The following GRM7 variants were observed in gnomAD, a reference collection of about 807,000 sequenced individuals.
The protein encoded by GRM7 is metabotropic glutamate receptor 7.
In GRM7, 35 loss-of-function variants were observed where a neutral mutation model predicts 84.5. The ratio of observed to expected loss-of-function variants is 0.41; its 90% CI spans 0.32 to 0.55. GRM7 has a LOEUF of 0.55. GRM7 is among the 20% of genes least tolerant of loss of function. The pLI is 0.19. For synonymous variants in GRM7, 487 were observed against 455.1 expected (o/e 1.07, Z -0.89); for missense variants, 1,003 against 1,194.6 (o/e 0.84, Z 2.36).
intron 4 of GRM7, among the ~76,000 whole-genome samples, chr3:7,379,186 C>T (rs1022043827): frequency 6.6e-6 from 1 of 152,104 alleles, no homozygotes; most frequent in Non-Finnish European, 1.5e-5. Context: ...AATTCTCCTG[C>T]CTTAGTCTCC....
chr3:7,736,056 C>G (rs1559512889), intron 9 of GRM7, among the ~76,000 whole-genome samples: 1 of 152,082 alleles, frequency 6.6e-6, no homozygotes, highest in Admixed American at 6.5e-5. Context: ...GGTATTAGTT[C>G]ATTTTTTCTT....
intron 4 of GRM7, among the ~76,000 whole-genome samples, chr3:7,385,552 G>A (rs1559284932): frequency 2.6e-5 from 4 of 151,876 alleles, no homozygotes; most frequent in Non-Finnish European, 5.9e-5. Context: ...CACGCACCTC[G>A]GCCTCCGAAA....
At chr3:7,463,087 G>A (rs887220850) in intron 7 of GRM7, among the ~76,000 whole-genome samples, 1 of 149,612 alleles carries the variant, frequency 6.7e-6, no homozygotes. Flanking sequence ...GTGCTGCCAT[G>A]TGATATGAAG....
intron 1 of GRM7, among the ~76,000 whole-genome samples, chr3:6,935,847 C>A (rs1160505265): frequency 6.6e-6 from 1 of 151,918 alleles, no homozygotes; most frequent in Non-Finnish European, 1.5e-5. Context: ...AGGTGTGTGC[C>A]AACACGCACG....
At chr3:7,121,673 A>G (rs1375903726) in intron 1 of GRM7, among the ~76,000 whole-genome samples, 1 of 152,182 alleles carries the variant, frequency 6.6e-6, no homozygotes, top group Admixed American at 6.5e-5. Context: ...ACACATCTAT[A>G]GATGTAAAGC....
intron 4 of GRM7, among the ~76,000 whole-genome samples, chr3:7,339,985 A>G (rs1230950432): frequency 6.6e-6 from 1 of 152,180 alleles, no homozygotes; most frequent in Non-Finnish European, 1.5e-5. Context: ...TAGCTAAGAA[A>G]TAACTTTCCT....
At chr3:7,511,454 CACCACAGACA>C (rs1287958342) in intron 7 of GRM7, among the ~76,000 whole-genome samples, 4 of 152,168 alleles carry the variant, frequency 2.6e-5, no homozygotes, top group East Asian at 1.9e-4. Flanking sequence ...ATTGTGACTG[CACCACAGACA>C]TTGTGACTGC....
At chr3:7,215,969 A>G (rs992300181) in intron 2 of GRM7, among the ~76,000 whole-genome samples, 2 of 152,220 alleles carry the variant, frequency 1.3e-5, no homozygotes, top group African/African-American at 4.8e-5. Context: ...AGATACCCCA[A>G]GTCAGAGGAC....
intron 3 of GRM7, among the ~76,000 whole-genome samples, chr3:7,303,016 C>T (rs1447580405): frequency 6.8e-6 from 1 of 147,932 alleles, no homozygotes; most frequent in African/African-American, 2.6e-5. Flanking sequence ...TCTCAGCTCA[C>T]TGAAAGCTCC....
At chr3:7,497,039 G>A (rs1472460525) in intron 7 of GRM7, among the ~76,000 whole-genome samples, 1 of 136,124 alleles carries the variant, frequency 7.3e-6, no homozygotes, top group Non-Finnish European at 1.7e-5. Flanking sequence ...TAGGAATTCT[G>A]GCCCTTGCTT....
At chr3:6,891,323 G>A (rs56036546) in intron 1 of GRM7, among the ~76,000 whole-genome samples, 14,456 of 152,076 alleles carry the variant, frequency 0.095, 770 homozygotes, top group Non-Finnish European at 0.11. Context: ...GTTTCTTCCT[G>A]GCCTCGATGG....
At chr3:7,035,106 G>C (rs1293666866) in intron 1 of GRM7, among the ~76,000 whole-genome samples, 1 of 152,158 alleles carries the variant, frequency 6.6e-6, no homozygotes, top group Non-Finnish European at 1.5e-5. Context: ...GGACTAAGCA[G>C]CTGCACCCCC....
At chr3:7,638,614 T>C (rs922012562) in intron 8 of GRM7, among the ~76,000 whole-genome samples, 6 of 152,218 alleles carry the variant, frequency 3.9e-5, no homozygotes, top group African/African-American at 1.4e-4. Flanking sequence ...GTCCATATTT[T>C]TTCTGAAATT....
At position 7,306,550 on chromosome 3, in the gene GRM7, G is replaced by A. The variant is rs1700200872; in HGVS notation, c.931G>A (p.Val311Met). Residue 311 changes from valine to methionine, a missense_variant, in exon 4 of 10, where the codon GTG becomes ATG. Transcript: ENST00000357716. ...TGACCAAGTTGGCCATTTTCTTTGGGTGGGATCAGACAGCTGGGGATCCAA... is the reference window on the plus strand; with the variant it reads ...TGACCAAGTTGGCCATTTTCTTTGGATGGGATCAGACAGCTGGGGATCCAA... ...RADQVGHFLWVGSDSWGSKIN... is the reference protein window; with the variant it reads ...RADQVGHFLWMGSDSWGSKIN... 1.2e-6 allele frequency: 2 copies of A among 1,613,762 alleles called. No individual in the cohort carries two copies. Among genetic ancestry groups the A allele is most frequent in the Admixed American group, 1.7e-5 (1 of 59,968 alleles).
At chr3:7,686,743 C>T (rs1006389632) in intron 9 of GRM7, among the ~76,000 whole-genome samples, 1 of 152,188 alleles carries the variant, frequency 6.6e-6, no homozygotes, top group Non-Finnish European at 1.5e-5. Context: ...TACTTTAAAA[C>T]TACCAGTGGT....
chr3:7,689,536 C>A (rs1367073685), intron 9 of GRM7, among the ~76,000 whole-genome samples: 2 of 152,192 alleles, frequency 1.3e-5, no homozygotes, highest in African/African-American at 4.8e-5. Context: ...CTGTGAGACA[C>A]CATCATTTCT....
chr3:7,021,766 T>C (rs993502949), intron 1 of GRM7, among the ~76,000 whole-genome samples: 4 of 152,260 alleles, frequency 2.6e-5, no homozygotes, highest in African/African-American at 9.6e-5. Context: ...ATGCTCCATT[T>C]ATGCATTTGC....
intron 7 of GRM7, among the ~76,000 whole-genome samples, chr3:7,534,726 A>G (rs1701175893): frequency 6.6e-6 from 1 of 152,150 alleles, no homozygotes; most frequent in Non-Finnish European, 1.5e-5. Flanking sequence ...CCCACTCCTT[A>G]TCTTTACAGA....
chr3:7,323,372 C>G (rs77227233), intron 4 of GRM7, among the ~76,000 whole-genome samples: 4,683 of 152,170 alleles, frequency 0.031, 209 homozygotes, highest in African/African-American at 0.096. Context: ...CCCATAACAC[C>G]AACAAAAACT....
Sources: allele counts gnomAD v4.1 joint callset (sites outside exome capture counted in the v4.1 genomes callset), GRCh38; gene constraint gnomAD v4.1.1; transcripts MANE v1.5; gene names NCBI Gene and HGNC (gene_info 2026-07-23, HGNC 2026-07-21).